Variants in ACTA2 observed in about 807,000 individuals in gnomAD.
ACTA2 encodes actin, aortic smooth muscle.
Under a neutral mutation model 39.5 loss-of-function variants are expected in ACTA2, and 12 were observed. That is an observed-to-expected ratio of 0.30 (90% CI 0.19 to 0.49). ACTA2 has a LOEUF of 0.49. Ranked by LOEUF, ACTA2 falls within the 20% of genes least tolerant of loss-of-function variation. The pLI is 0.99. For synonymous variants in ACTA2, 158 were observed against 180.6 expected (o/e 0.88, Z 1.00); for missense variants, 236 against 498.8 (o/e 0.47, Z 5.02).
At chr10:88,959,519 C>G (rs150407419) in intron 1 of ACTA2, among the ~76,000 whole-genome samples, 79 of 152,282 alleles carry the variant, frequency 5.2e-4, no homozygotes, top group African/African-American at 1.8e-3. Flanking sequence ...CTGGAGAAGA[C>G]CTTAGAGTCA....
rs200213764 is a variant in ACTA2, at chr10:88,938,115, G to A, written c.936C>T (p.Ala312=). The stretch of plus-strand genomic sequence containing the variant: ...CCGTGATCTCCTTCTGCATTCGGTC[G>A]GCAATGCCAGGGTACATAGTGGTGC... ...SGGTTMYPGI[A]DRMQKEITAL... is the part of the protein sequence containing the mutation. Residue 312 remains alanine (A), a synonymous_variant, in exon 8 of 9, where the codon GCC becomes GCT. Transcript: ENST00000224784. The A allele has an allele frequency of 9.7e-5, 156 of 1,613,974 alleles. No homozygotes were observed. Among genetic ancestry groups the A allele is most frequent in the Admixed American group, 5.0e-5 (3 of 60,014 alleles).
chr10:88,937,753 A>G (rs1433491659), intron 8 of ACTA2, among the ~76,000 whole-genome samples: 2 of 152,228 alleles, frequency 1.3e-5, no homozygotes, highest in African/African-American at 4.8e-5. Flanking sequence ...TTGTGTCGAG[A>G]AAAACAACAA....
In ACTA2 at chr10:88,980,359, C is replaced by G. The variant is rs556571919; in HGVS notation, c.-24+10580G>C. Among the ~76,000 whole-genome samples, 4 of 152,314 alleles carry G rather than the reference C, an allele frequency of 2.6e-5. No individual in the cohort carries two copies. In the South Asian group the frequency reaches 8.3e-4, roughly 32 times the overall value. On this transcript the variant is annotated intron_variant, in intron 1 of 4. Coordinates refer to the ACTA2 transcript ENST00000415557. ...CTGAGGAGAGCACATTAGCAAGCAT[C>G]AGGACGCTGAACATAACCACAGTGG...
upstream of ACTA2, among the ~76,000 whole-genome samples, chr10:88,957,690 C>G (rs1344210778): frequency 6.6e-6 from 1 of 152,174 alleles, no homozygotes; most frequent in Non-Finnish European, 1.5e-5. Flanking sequence ...TTTCCTAATG[C>G]CATCTCTTCT....
intron 4 of ACTA2, 119 bp from the exon 5 acceptor site, chr10:88,941,988 C>T: frequency 1.1e-6 from 1 of 880,506 alleles, no homozygotes. Flanking sequence ...CAGAGGAGGC[C>T]AAAGTAAGGA....
rs1210919054 is a variant in ACTA2 at position 88,943,908 on chromosome 10, C to G, written c.259-1G>C. On this transcript the variant is annotated splice_acceptor_variant, in intron 3 of 8. Transcript: ENST00000224784. LOFTEE classifies it high-confidence loss of function. ...CATTGTAGAAAGAGTGGTGCCAGAT[C>G]TAGTGAGTTGGGGGACAGAGGAGAA... The G allele has an allele frequency of 6.2e-7, 1 of 1,613,308 alleles. No homozygotes were observed. The highest frequency in any genetic ancestry group is 1.3e-5 in the African/African-American group (1 of 74,852).
At chr10:88,947,520 T>A in intron 2 of ACTA2, 134 bp from the exon 3 acceptor site, 2 of 1,358,966 alleles carry the variant, frequency 1.5e-6, no homozygotes, top group Admixed American at 3.6e-5. Flanking sequence ...ACATATTGAG[T>A]CTCATTGCCA....
At chr10:88,941,470 G>A in intron 5 of ACTA2, 80 bp from the exon 6 acceptor site, 5 of 1,569,354 alleles carry the variant, frequency 3.2e-6, no homozygotes, top group Non-Finnish European at 4.4e-6. Flanking sequence ...GGAAGCCTTG[G>A]GGGAGAGGGA....
intron 1 of ACTA2, among the ~76,000 whole-genome samples, chr10:88,965,068 T>C (rs938709902): frequency 1.1e-4 from 16 of 152,192 alleles, no homozygotes; most frequent in Non-Finnish European, 1.8e-4. Flanking sequence ...GTTTCTGCCT[T>C]ATTTTAAAAG....
Position 88,941,701 on chromosome 10 carries a change from C to T in ACTA2, c.454+84G>A, listed in dbSNP as rs140147046. On this transcript the variant is annotated intron_variant, in intron 5 of 8. Transcript: ENST00000224784. ...TGTCCATTCTAACTCAACTCCAGTC[C>T]GTCACCCCCACGTGTTAACGACCAT... 2.3e-4 allele frequency: 287 copies of T among 1,261,080 alleles called. 1 individual carries two copies. In the African/African-American group the frequency reaches 3.9e-3, roughly 17 times the overall value. 78.1% of individuals were successfully genotyped at this position (1,261,080 alleles called of 1,614,324 possible). A position where few individuals can be genotyped will look rare whatever the true frequency, so the allele number is the denominator to read the frequency against.
At chr10:88,950,544 T>C (rs1846030616) in intron 1 of ACTA2, among the ~76,000 whole-genome samples, 2 of 152,230 alleles carry the variant, frequency 1.3e-5, no homozygotes, top group Admixed American at 1.3e-4. Flanking sequence ...AGATGACATA[T>C]TTTAAAGTCA....
At chr10:88,985,933 A>G (rs531405698) in intron 1 of ACTA2, among the ~76,000 whole-genome samples, 1 of 152,324 alleles carries the variant, frequency 6.6e-6, no homozygotes, top group African/African-American at 2.4e-5. Context: ...CATGCAGGCA[A>G]ATATTTTGTT....
chr10:88,990,968 G>C lies in ACTA2; in HGVS notation c.-53C>G. 1 of 1,611,226 alleles carries C rather than the reference G, an allele frequency of 6.2e-7. No individual in the cohort carries two copies. Among genetic ancestry groups the C allele is most frequent in the South Asian group, 1.1e-5 (1 of 91,004 alleles). ...TCTTAGTCCCGGGGATAGGCAAAGT[G>C]GGGCGGGCGCGGGACGCGTGCGGGA... On this transcript the variant is annotated 5_prime_UTR_variant, in exon 1 of 5. Coordinates refer to the ACTA2 transcript ENST00000415557. This position sits in a 1 kb window ranked among gnomAD's most constrained non-coding sequence, Gnocchi z 4.9.
chr10:88,952,086 C>A (rs966415207), intron 1 of ACTA2, among the ~76,000 whole-genome samples: 1 of 152,218 alleles, frequency 6.6e-6, no homozygotes, highest in Admixed American at 6.5e-5. Context: ...CAGCAGGTCA[C>A]CTGCTGCGCT....
At chr10:88,965,049 C>T (rs1036443369) in intron 1 of ACTA2, among the ~76,000 whole-genome samples, 6 of 152,122 alleles carry the variant, frequency 3.9e-5, no homozygotes, top group African/African-American at 7.2e-5. Context: ...TCTTCTTCTG[C>T]CAAATCATGT....
intron 1 of ACTA2, among the ~76,000 whole-genome samples, chr10:88,961,537 T>C (rs149794797): frequency 1.1e-4 from 17 of 152,310 alleles, no homozygotes; most frequent in African/African-American, 4.1e-4. Flanking sequence ...GATGCTTTTC[T>C]TAAACTGGCT....
At chr10:88,965,373 C>T (rs142602729) in intron 1 of ACTA2, among the ~76,000 whole-genome samples, 9 of 152,190 alleles carry the variant, frequency 5.9e-5, no homozygotes, top group African/African-American at 1.2e-4. Context: ...CCATCTCAGA[C>T]GTTGTTAGTT....
chr10:88,952,342 A>G (rs1846065270), intron 1 of ACTA2, among the ~76,000 whole-genome samples: 3 of 152,194 alleles, frequency 2.0e-5, no homozygotes, highest in South Asian at 4.1e-4. Flanking sequence ...AAACCCCTAC[A>G]ACAAATCAGA....
intron 3 of ACTA2, among the ~76,000 whole-genome samples, chr10:88,944,817 G>T (rs1431732345): frequency 6.6e-6 from 1 of 152,182 alleles, no homozygotes; most frequent in Non-Finnish European, 1.5e-5. Context: ...ATTGCAAAAA[G>T]GACTAAATTA....
Sources: allele counts gnomAD v4.1 joint callset (sites outside exome capture counted in the v4.1 genomes callset), GRCh38; gene constraint gnomAD v4.1.1; non-coding constraint Gnocchi (gnomAD v3.1); transcripts MANE v1.5; gene names NCBI Gene and HGNC (gene_info 2026-07-23, HGNC 2026-07-21).